ERN2: variants seen among roughly 807,000 people sequenced by gnomAD.
The protein encoded by ERN2 is serine/threonine-protein kinase/endoribonuclease IRE2.
Under a neutral mutation model 107.9 loss-of-function variants are expected in ERN2, and 111 were observed. That is an observed-to-expected ratio of 1.03 (90% CI 0.88 to 1.20). ERN2 has a LOEUF of 1.20. Among genes scored for constraint, ERN2 ranks in the 50% most tolerant of loss-of-function variants. The pLI, the probability that ERN2 is intolerant of heterozygous loss-of-function variation, is 0.00. For missense variants in ERN2, 1,225 were observed against 1,197.9 expected, an observed-to-expected ratio of 1.02 and a Z score of -0.33; for synonymous variants, 524 against 501.7, an observed-to-expected ratio of 1.04 and a Z score of -0.59.
At chr16:23,706,968 T>A in intron 5 of ERN2, 39 bp downstream of exon 5, 1 of 1,599,322 alleles carries the variant, frequency 6.3e-7, no homozygotes. Context: ...CTGCCTCTGC[T>A]GGCTGAACCT....
chr16:23,711,237 C>T (rs772436690), intron 1 of ERN2, among the ~76,000 whole-genome samples: 11 of 152,108 alleles, frequency 7.2e-5, no homozygotes, highest in Non-Finnish European at 1.3e-4. Flanking sequence ...GGTTTTGGCT[C>T]CCAATGTATC....
rs764803769 is a variant in ERN2, at chr16:23,692,040, G to A, written c.2299C>T (p.Gln767Ter). The change falls in exon 19 of 22, where the codon CAG becomes TAG. Residue 767 changes from glutamine (Q) to a stop codon, truncating the protein, a stop_gained. Coordinates refer to ENST00000256797, the MANE Select transcript of ERN2 (RefSeq NM_033266.4). LOFTEE classifies it high-confidence loss of function. The stretch of plus-strand genomic sequence containing the variant: ...ACCTGGGGGGCAGAGGGGCGTGGCT[G>A]CGGCAGTGGGCTCAACATGGCTCCA... ...LVGAMLSPLP[Q>*]PRPSAPQVLA... 6 of 1,613,906 alleles carry A rather than the reference G, an allele frequency of 3.7e-6. No individual in the cohort carries two copies. The highest frequency in any genetic ancestry group is 5.1e-6 in the Non-Finnish European group (6 of 1,180,022).
Position 23,700,632 on chromosome 16 carries a change from C to G in ERN2, c.1432G>C (p.Asp478His). 6.2e-7 allele frequency: 1 copy of G among 1,614,150 alleles called. No individual in the cohort carries two copies. Among genetic ancestry groups the G allele is most frequent in the Non-Finnish European group, 8.5e-7 (1 of 1,180,024 alleles). The change falls in exon 13 of 22, where the codon GAT becomes CAT. Residue 478 changes from aspartate (D) to histidine (H), a missense_variant. Transcript: ENST00000256797. The part of the protein sequence containing the change: ...APADFAHISQ[D>H]AQSLHSGASR... ...GCCCCCGAGTGCAGGGACTGGGCAT[C>G]CTGGGAGATGTGAGCAAAGTCTGCA... is the stretch of plus-strand genomic sequence containing the variant.
Position 23,691,141 on chromosome 16 carries a change from A to G in ERN2, c.2556T>C (p.Ala852=). 1 of 1,613,894 alleles carries G rather than the reference A, an allele frequency of 6.2e-7. No homozygotes were observed. Among genetic ancestry groups the G allele is most frequent in the Non-Finnish European group, 8.5e-7 (1 of 1,179,970 alleles). ...KGTSVRDLLR[A]VRNKKHHYRE... ...CCCCAACACATACCTTGTTCCTCAC[A>G]GCACGGAGCAGGTCTCGCACTGATG... Residue 852 remains alanine, a synonymous_variant, in exon 21 of 22, where the codon GCT becomes GCC. Transcript: ENST00000256797.
chr16:23,709,140 C>G (rs1960441861), intron 4 of ERN2: 1 of 454,458 alleles, frequency 2.2e-6, no homozygotes, highest in Non-Finnish European at 4.4e-6. Flanking sequence ...GGTTAGAATT[C>G]TGACAAAGAA....
Position 23,706,389 on chromosome 16 carries a change from C to T in ERN2, c.530G>A (p.Arg177His), listed in dbSNP as rs201872569. The change falls in exon 7 of 22, where the codon CGC becomes CAC. Residue 177 changes from arginine to histidine, a missense_variant. Physicochemically the swap from Arg to His is conservative, Grantham distance 29. Coordinates refer to ENST00000256797, the MANE Select transcript of ERN2 (RefSeq NM_033266.4). ...TMHDPRAPAL[R>H]WNTTYRRYSA... The stretch of plus-strand genomic sequence containing the variant: ...GTAGCGGCGGTAGGTGGTGTTCCAG[C>T]GCAGGGCTGGGGCTCTTGGGTCATG... 2.3e-4 allele frequency: 365 copies of T among 1,573,998 alleles called. No individual in the cohort carries two copies. Among genetic ancestry groups the T allele is most frequent in the East Asian group, 1.0e-3 (44 of 43,210 alleles).
chr16:23,691,830 T>C (rs1959607908), intron 19 of ERN2, 133 bp downstream of exon 19: 2 of 1,276,894 alleles, frequency 1.6e-6, no homozygotes, highest in South Asian at 2.9e-5. Context: ...GCTCCCAGTT[T>C]AGGGAAAGAG....
intron 11 of ERN2, 31 bp from the exon 12 acceptor site, chr16:23,701,145 C>G (rs1567248886): frequency 1.3e-6 from 2 of 1,599,516 alleles, no homozygotes; most frequent in East Asian, 4.5e-5. Flanking sequence ...ACTTTTAGCA[C>G]CCCCTTCCAC....
In ERN2 at chr16:23,711,030, T is replaced by C. The variant is rs766815345; in HGVS notation, c.94-12A>G. On this transcript the variant is annotated splice_polypyrimidine_tract_variant and intron_variant, in intron 1 of 21. Coordinates refer to ENST00000256797, the MANE Select transcript of ERN2 (RefSeq NM_033266.4). ...CTGAGAGTATGAACCTGCAAGGGGG[T>C]AGAGACAAAGTCAGCTCTCTGAGGG... The C allele has an allele frequency of 9.4e-6, 15 of 1,599,074 alleles. No individual in the cohort carries two copies. Among genetic ancestry groups the C allele is most frequent in the African/African-American group, 4.0e-5 (3 of 74,562 alleles).
At chr16:23,696,420 T>G (rs1341634093) in intron 13 of ERN2, among the ~76,000 whole-genome samples, 1 of 152,134 alleles carries the variant, frequency 6.6e-6, no homozygotes, top group Non-Finnish European at 1.5e-5. Context: ...CTCCACCAGT[T>G]GTAACTGAAT....
chr16:23,710,611 T>G (rs1960502528), intron 2 of ERN2, 62 bp from the exon 3 acceptor site: 5 of 1,559,126 alleles, frequency 3.2e-6, no homozygotes, highest in Non-Finnish European at 4.4e-6. Context: ...AAAGCACAGC[T>G]CATATTCACT....
chr16:23,695,419 G>A, intron 14 of ERN2, 30 bp from the exon 15 acceptor site: 8 of 1,554,564 alleles, frequency 5.1e-6, no homozygotes, highest in Non-Finnish European at 7.0e-6. Context: ...GGGGGCAGGG[G>A]GGCATTCAGG....
chr16:23,709,162 G>T, intron 4 of ERN2: 1 of 455,374 alleles, frequency 2.2e-6, no homozygotes, highest in Non-Finnish European at 4.4e-6. Context: ...TGGGTGTGGT[G>T]GTGTGTACCT....
At chr16:23,691,664 T>G (rs1006777612) in intron 19 of ERN2, among the ~76,000 whole-genome samples, 3 of 152,246 alleles carry the variant, frequency 2.0e-5, no homozygotes, top group Non-Finnish European at 4.4e-5. Context: ...TTGCTCAAGT[T>G]CACTCAAGTG....
At chr16:23,691,916 C>T (rs771321758) in intron 19 of ERN2, 47 bp downstream of exon 19, 1 of 1,594,608 alleles carries the variant, frequency 6.3e-7, no homozygotes, top group South Asian at 1.1e-5. Flanking sequence ...TTGCCCAGGA[C>T]CCAAACTTAG....
intron 14 of ERN2, 32 bp from the exon 15 acceptor site, chr16:23,695,421 G>A (rs1428761324): frequency 5.1e-6 from 8 of 1,553,410 alleles, no homozygotes; most frequent in East Asian, 4.8e-5. Context: ...GGGCAGGGGG[G>A]CATTCAGGGA....
rs142266891 is a variant in ERN2 at position 23,692,185 on chromosome 16, G to T, written c.2247C>A (p.His749Gln). The T allele has an allele frequency of 3.2e-5, 52 of 1,614,044 alleles. 1 individual carries two copies. In the Middle Eastern group the frequency reaches 1.2e-3, roughly 36 times the overall value. The change falls in exon 18 of 22, where the codon CAC becomes CAA. Residue 749 changes from histidine (H) to glutamine (Q), a missense_variant and splice_region_variant. Physicochemically the swap from His to Gln is conservative, Grantham distance 24 (BLOSUM62 0). Transcript: ENST00000256797. The part of the protein sequence containing the change: ...PCLAHLEEEV[H>Q]DKVVARDLVG... ...CTGCCCTGCCCAGGGCTCCCTCACC[G>T]TGGACCTCTTCCTCCAGGTGAGCCA...
intron 11 of ERN2, 35 bp downstream of exon 11, chr16:23,702,117 T>TC: frequency 6.3e-7 from 1 of 1,593,352 alleles, no homozygotes; most frequent in Non-Finnish European, 8.5e-7. Context: ...TGCTGGGGCC[T>TC]CCCTACCCCC....
chr16:23,698,584 T>TTTTTG (rs199777756), intron 13 of ERN2, among the ~76,000 whole-genome samples: 2 of 152,108 alleles, frequency 1.3e-5, no homozygotes, highest in Non-Finnish European at 2.9e-5. Flanking sequence ...TTTTGTGGGT[T>TTTTTG]TTTTGTTTTG....
Sources: gnomAD v4.1 joint callset for allele counts (sites outside exome capture counted in the v4.1 genomes callset) on GRCh38, gnomAD v4.1.1 for gene constraint, MANE v1.5 for transcripts, NCBI Gene and HGNC (gene_info 2026-07-23, HGNC 2026-07-21) for gene names.